HYCC1: variants seen among roughly 807,000 people sequenced by gnomAD.
HYCC1 encodes the protein hyccin PI4KA lipid kinase complex subunit 1, also known as hyccin.
chr7:22,969,814 G>C, the HYCC1 span, among the ~76,000 whole-genome samples: 2 of 152,128 alleles, frequency 1.3e-5, no homozygotes, highest in Non-Finnish European at 2.9e-5. Context: ...GTGAGCCACC[G>C]CATCTGGCCC....
chr7:22,898,414 A>C, the HYCC1 span, among the ~76,000 whole-genome samples: 1 of 151,210 alleles, frequency 6.6e-6, no homozygotes, highest in African/African-American at 2.4e-5. Flanking sequence ...GGGTTTCACC[A>C]TGTTGGTCAG....
At chr7:22,953,670 A>G in the HYCC1 span, among the ~76,000 whole-genome samples, 1 of 151,800 alleles carries the variant, frequency 6.6e-6, no homozygotes, top group Non-Finnish European at 1.5e-5. Context: ...TGAGTAATCT[A>G]ATATTTCCTA....
At chr7:22,959,672 A>G in the HYCC1 span, among the ~76,000 whole-genome samples, 1 of 152,184 alleles carries the variant, frequency 6.6e-6, no homozygotes, top group Non-Finnish European at 1.5e-5. Context: ...AAAAAGCCAT[A>G]GTGAATGAAA....
chr7:22,903,087 G>A, the HYCC1 span, among the ~76,000 whole-genome samples: 2 of 152,152 alleles, frequency 1.3e-5, no homozygotes, highest in Non-Finnish European at 2.9e-5. Flanking sequence ...GAAAGGAGGT[G>A]AAGGAATTGC....
the HYCC1 span, chr7:22,945,792 C>G: frequency 1.2e-6 from 2 of 1,613,748 alleles, no homozygotes; most frequent in Non-Finnish European, 1.7e-6. Flanking sequence ...CTGACTTGTT[C>G]AAAGGATTTA....
At chr7:22,898,642 G>A in the HYCC1 span, among the ~76,000 whole-genome samples, 904 of 128,192 alleles carry the variant, frequency 7.1e-3, 14 homozygotes, top group African/African-American at 0.026. Flanking sequence ...TCGTTCTGTC[G>A]CCCAGCCTGG....
At chr7:22,940,784 T>C in the HYCC1 span, 2 of 151,854 alleles carry the variant, frequency 1.3e-5, no homozygotes, top group Non-Finnish European at 2.9e-5. Context: ...ATAATCTCTG[T>C]ACTCAAGAGA....
the HYCC1 span, among the ~76,000 whole-genome samples, chr7:22,985,162 A>T: frequency 6.6e-6 from 1 of 152,202 alleles, no homozygotes; most frequent in African/African-American, 2.4e-5. Flanking sequence ...GGATATTCCT[A>T]ACTCACTCTA....
the HYCC1 span, chr7:22,977,232 T>A: frequency 1.4e-6 from 1 of 739,154 alleles, no homozygotes; most frequent in Non-Finnish European, 2.5e-6. Flanking sequence ...TTTATACTTT[T>A]GCAGGTACTA....
chr7:22,917,050 A>G, the HYCC1 span, among the ~76,000 whole-genome samples: 1 of 152,152 alleles, frequency 6.6e-6, no homozygotes, highest in Admixed American at 6.5e-5. Context: ...ATTCACTGCT[A>G]GGGCCATCAA....
At chr7:23,006,730 T>C in the HYCC1 span, among the ~76,000 whole-genome samples, 1 of 152,232 alleles carries the variant, frequency 6.6e-6, no homozygotes, top group Non-Finnish European at 1.5e-5. Context: ...TACAAATGAC[T>C]GAATTCTATG....
chr7:23,003,790 G>C, the HYCC1 span, among the ~76,000 whole-genome samples: 2 of 152,140 alleles, frequency 1.3e-5, no homozygotes, highest in Non-Finnish European at 2.9e-5. Flanking sequence ...ATGTTCAACA[G>C]AAAATAGTAG....
the HYCC1 span, among the ~76,000 whole-genome samples, chr7:22,955,291 T>C: frequency 2.0e-5 from 3 of 151,390 alleles, no homozygotes; most frequent in Non-Finnish European, 3.0e-5. Context: ...TAAAAACTTA[T>C]TAAGAATATA....
At chr7:23,013,518 G>A in the HYCC1 span, among the ~76,000 whole-genome samples, 2 of 152,200 alleles carry the variant, frequency 1.3e-5, no homozygotes, top group African/African-American at 2.4e-5. Flanking sequence ...GGGACGGGGG[G>A]CTCCCGCCCC....
chr7:22,914,653 C>G, the HYCC1 span, among the ~76,000 whole-genome samples: 1 of 152,148 alleles, frequency 6.6e-6, no homozygotes, highest in African/African-American at 2.4e-5. Flanking sequence ...CCTCCCTAGT[C>G]TCTGCTCCCA....
the HYCC1 span, among the ~76,000 whole-genome samples, chr7:22,922,660 T>C: frequency 6.6e-6 from 1 of 152,234 alleles, no homozygotes; most frequent in South Asian, 2.1e-4. Context: ...GTATATGTTG[T>C]CTACAGAATA....
chr7:23,002,724 T>G, the HYCC1 span, among the ~76,000 whole-genome samples: 3 of 152,166 alleles, frequency 2.0e-5, no homozygotes, highest in Non-Finnish European at 4.4e-5. Context: ...TATTTGAGAT[T>G]TTGCTACATC....
the HYCC1 span, among the ~76,000 whole-genome samples, chr7:22,975,575 A>G: frequency 5.3e-5 from 8 of 152,210 alleles, no homozygotes; most frequent in African/African-American, 1.9e-4. Flanking sequence ...AACAAAAAGA[A>G]GCCAACCACA....
At chr7:22,947,333 A>C in the HYCC1 span, 1 of 1,077,704 alleles carries the variant, frequency 9.3e-7, no homozygotes. Flanking sequence ...CAAAACAAAA[A>C]TTAGATGACT....
Sources: allele counts gnomAD v4.1 joint callset (sites outside exome capture counted in the v4.1 genomes callset), GRCh38; gene constraint gnomAD v4.1.1; transcripts MANE v1.5; gene names NCBI Gene and HGNC (gene_info 2026-07-23, HGNC 2026-07-21).